The following RASGRP3 variants were observed in gnomAD, a reference collection of about 807,000 sequenced individuals.
RASGRP3 encodes RAS guanyl releasing protein 3.
Under a neutral mutation model 82.7 loss-of-function variants are expected in RASGRP3, and 54 were observed. That is an observed-to-expected ratio of 0.65 (90% CI 0.52 to 0.82). The LOEUF (loss-of-function observed/expected upper bound fraction) is 0.82, where lower values mean the gene tolerates loss of function less well. RASGRP3 is among the 40% of genes least tolerant of loss of function. RASGRP3 has a pLI of 0.00. For synonymous variants in RASGRP3, 309 were observed against 300.5 expected (o/e 1.03, Z -0.29); for missense variants, 861 against 828.9 (o/e 1.04, Z -0.48).
chr2:33,485,208 A>G (rs912956318), intron 1 of RASGRP3, among the ~76,000 whole-genome samples: 2 of 152,202 alleles, frequency 1.3e-5, no homozygotes, highest in Non-Finnish European at 2.9e-5. Flanking sequence ...CAAAACAACA[A>G]CAAAACTCTA....
chr2:33,444,014 T>C (rs1484238588), intron 1 of RASGRP3, among the ~76,000 whole-genome samples: 2 of 151,982 alleles, frequency 1.3e-5, no homozygotes, highest in Non-Finnish European at 2.9e-5. Flanking sequence ...AATATCATAG[T>C]TTAAGGAGTG....
Position 33,486,075 on chromosome 2 carries a change from AAAGT to A in RASGRP3, c.-261+9372_-261+9375del, listed in dbSNP as rs200530495. On this transcript the variant is annotated intron_variant, in intron 1 of 17. Transcript: ENST00000403687. ...ATACAGGATTTCCATGTAGGTAACAAAAGTAAGGGACAACATCCAGAACATATTT... is the reference window on the plus strand; with the variant it reads ...ATACAGGATTTCCATGTAGGTAACAAAAGGGACAACATCCAGAACATATTT... 1.1e-4 allele frequency among the ~76,000 whole-genome samples: 17 copies of A among 152,348 alleles called. No individual in the cohort carries two copies. The East Asian group carries it at 3.3e-3, about 29-fold the overall frequency.
chr2:33,542,123 A>C (rs1266021540), intron 12 of RASGRP3, among the ~76,000 whole-genome samples: 1 of 147,138 alleles, frequency 6.8e-6, no homozygotes, highest in African/African-American at 2.4e-5. Flanking sequence ...AAAAATAAAT[A>C]AATAATATAT....
chr2:33,480,815 G>A (rs967832356), intron 1 of RASGRP3, among the ~76,000 whole-genome samples: 3 of 152,132 alleles, frequency 2.0e-5, no homozygotes, highest in Non-Finnish European at 4.4e-5. Flanking sequence ...TGCTCTATGG[G>A]ATTTGAAGTC....
chr2:33,496,673 T>C (rs1669345027), intron 1 of RASGRP3, among the ~76,000 whole-genome samples: 1 of 152,134 alleles, frequency 6.6e-6, no homozygotes, highest in Non-Finnish European at 1.5e-5. Flanking sequence ...CTGGGCAACA[T>C]AGTGAAATCC....
At chr2:33,554,862 C>G (rs1675767564) in intron 14 of RASGRP3, among the ~76,000 whole-genome samples, 1 of 152,164 alleles carries the variant, frequency 6.6e-6, no homozygotes, top group Admixed American at 6.5e-5. Flanking sequence ...TGGGCAAACG[C>G]TCCCTCGTGG....
At chr2:33,457,296 T>TA (rs1459286010) in intron 2 of RASGRP3, among the ~76,000 whole-genome samples, 8 of 152,184 alleles carry the variant, frequency 5.3e-5, no homozygotes, top group Admixed American at 2.6e-4. Flanking sequence ...CATATTTTTT[T>TA]AAAAAAACCT....
chr2:33,543,489 A>T, intron 12 of RASGRP3, 23 bp from the exon 13 acceptor site: 1 of 1,462,158 alleles, frequency 6.8e-7, no homozygotes, highest in South Asian at 1.2e-5. Flanking sequence ...GTCATTCAAT[A>T]AATACTTATC....
chr2:33,464,498 G>A (rs1666573663), intron 2 of RASGRP3, among the ~76,000 whole-genome samples: 1 of 150,642 alleles, frequency 6.6e-6, no homozygotes. Context: ...AAAAAAGATA[G>A]GGTCTTGCTC....
chr2:33,521,240 G>C (rs2151022532), intron 6 of RASGRP3, among the ~76,000 whole-genome samples: 1 of 152,304 alleles, frequency 6.6e-6, no homozygotes, highest in African/African-American at 2.4e-5. Context: ...TGTGCCAGGA[G>C]CTGGTTAGCT....
At chr2:33,461,017 C>A (rs1464158999) in intron 2 of RASGRP3, among the ~76,000 whole-genome samples, 2 of 152,216 alleles carry the variant, frequency 1.3e-5, no homozygotes, top group Non-Finnish European at 2.9e-5. Context: ...TGCTCCTCTG[C>A]ATTGATTTCT....
chr2:33,550,175 A>C (rs1188421734), intron 14 of RASGRP3, among the ~76,000 whole-genome samples: 1 of 152,222 alleles, frequency 6.6e-6, no homozygotes, highest in East Asian at 1.9e-4. Flanking sequence ...CAACTCAAAA[A>C]GGAAGAAAAA....
intron 2 of RASGRP3, among the ~76,000 whole-genome samples, chr2:33,448,954 A>T (rs903658251): frequency 1.3e-5 from 2 of 152,278 alleles, no homozygotes; most frequent in African/African-American, 4.8e-5. Context: ...AACCTTACAT[A>T]TAGTAAATGT....
chr2:33,470,697 T>C (rs1406843294), intron 2 of RASGRP3, among the ~76,000 whole-genome samples: 1 of 152,262 alleles, frequency 6.6e-6, no homozygotes, highest in South Asian at 2.1e-4. Context: ...TTTTCTATTA[T>C]GTTTTCTAAG....
At chr2:33,465,010 G>C (rs1246138859) in intron 2 of RASGRP3, among the ~76,000 whole-genome samples, 4 of 152,296 alleles carry the variant, frequency 2.6e-5, no homozygotes, top group Middle Eastern at 3.4e-3. Context: ...GTGAGAGAAA[G>C]AGTCACAATT....
At chr2:33,482,565 C>T (rs1455118826) in intron 1 of RASGRP3, 1 of 152,190 alleles carries the variant, frequency 6.6e-6, no homozygotes, top group Non-Finnish European at 1.5e-5. Context: ...AGGTATAGTG[C>T]ATTCTAACTA....
In RASGRP3 at chr2:33,537,265, A is replaced by T. The variant is rs191156908; in HGVS notation, c.1162-1829A>T. ...GATGGTGCCTGTGAATAACCACTGC[A>T]CTCCAGCCTGGGCAACATAGTGAGA... is the stretch of plus-strand genomic sequence containing the variant. On this transcript the variant is annotated intron_variant, in intron 11 of 17. Coordinates refer to ENST00000403687, the MANE Select transcript of RASGRP3 (RefSeq NM_001139488.2). Among the ~76,000 whole-genome samples, 473 of 139,616 alleles carry T rather than the reference A, an allele frequency of 3.4e-3. 1 individual carries two copies. The highest frequency in any genetic ancestry group is 5.7e-3 in the Non-Finnish European group (375 of 65,884). The allele number at this position is 139,616 out of a possible 152,430, so 91.6% of individuals were successfully genotyped here.
At chr2:33,479,324 GTTA>G (rs920448230) in intron 1 of RASGRP3, among the ~76,000 whole-genome samples, 1 of 152,140 alleles carries the variant, frequency 6.6e-6, no homozygotes, top group Non-Finnish European at 1.5e-5. Context: ...CGGGAACTTT[GTTA>G]TTAACCTCCA....
At chr2:33,493,273 A>G (rs763879054) in intron 1 of RASGRP3, 3 of 152,144 alleles carry the variant, frequency 2.0e-5, no homozygotes, top group Non-Finnish European at 4.4e-5. Flanking sequence ...TCCCATCCCT[A>G]TCCTTCTTGA....
Sources: allele counts gnomAD v4.1 joint callset (sites outside exome capture counted in the v4.1 genomes callset), GRCh38; gene constraint gnomAD v4.1.1; transcripts MANE v1.5; gene names NCBI Gene and HGNC (gene_info 2026-07-23, HGNC 2026-07-21).